ESPL1: variants seen among roughly 807,000 people sequenced by gnomAD.
ESPL1 encodes the protein separin.
A neutral mutation model predicts 217.2 loss-of-function variants in ESPL1; 50 were observed. The observed-to-expected ratio is 0.23, with a 90% CI of 0.18 to 0.29. ESPL1 has a LOEUF of 0.29. Ranked by LOEUF, ESPL1 falls within the 10% of genes least tolerant of loss-of-function variation. The probability of loss-of-function intolerance (pLI) is 1.00; values close to 1 mark genes in which losing one functional copy is unlikely to be tolerated. For missense variants in ESPL1, 1,834 were observed against 2,603.0 expected (o/e 0.70, Z 6.43); for synonymous variants, 994 against 1,081.3 (o/e 0.92, Z 1.58).
intron 3 of ESPL1, 61 bp from the exon 4 acceptor site, chr12:53,270,317 C>G (rs999742861): frequency 7.9e-7 from 1 of 1,263,770 alleles, no homozygotes; most frequent in African/African-American, 1.5e-5. Context: ...CCGGGTCAGT[C>G]TTCAGCTTGG....
rs1943796659 is a variant in ESPL1, at chr12:53,277,762, G to A, written c.2225-59G>A. On this transcript the variant is annotated intron_variant, in intron 10 of 30. Transcript: ENST00000257934. ...AGGGCAGAGGATGTTATGGAGGAAGGGAAGTTCTCTCCAGATGGCCCATGC... is the reference window on the plus strand; with the variant it reads ...AGGGCAGAGGATGTTATGGAGGAAGAGAAGTTCTCTCCAGATGGCCCATGC... The A allele has an allele frequency of 5.0e-6, 8 of 1,596,208 alleles. No individual in the cohort carries two copies. The South Asian group carries it at 7.9e-5, about 16-fold the overall frequency.
chr12:53,292,269 C>T lies in ESPL1; in HGVS notation c.5797-9C>T, dbSNP rs1409886689. 6.3e-7 allele frequency: 1 copy of T among 1,599,092 alleles called. No homozygotes were observed. The highest frequency in any genetic ancestry group is 1.3e-5 in the African/African-American group (1 of 74,604). On this transcript the variant is annotated splice_polypyrimidine_tract_variant and intron_variant, in intron 27 of 30. Transcript: ENST00000257934. The surrounding 1 kb of genome is among the most constrained non-coding windows in gnomAD (Gnocchi z 4.5). ...ACAAGCATCCTAATCGCCAGTGTCT[C>T]CTCCTCAGTATGGGGCCTCGCCAGT...
At chr12:53,290,729 T>C in intron 24 of ESPL1, 112 bp from the exon 25 acceptor site, 1 of 985,990 alleles carries the variant, frequency 1.0e-6, no homozygotes, top group East Asian at 2.6e-5. Flanking sequence ...GAAAGATACG[T>C]AAGACAGACA....
chr12:53,283,535 G>T lies in ESPL1; in HGVS notation c.3074G>T (p.Arg1025Leu), dbSNP rs541962327. The change falls in exon 16 of 31, where the codon CGC becomes CTC. Residue 1025 changes from arginine (R) to leucine (L), a missense_variant. Arg to Leu is a moderately radical substitution (Grantham distance 102). Around this residue, in one of 5 missense-constraint regions of ESPL1, gnomAD observed 107 missense variants for 171.7 expected, o/e 0.62. Coordinates refer to ENST00000257934, the MANE Select transcript of ESPL1 (RefSeq NM_012291.5). ...LKLTTKLQIP[R>L]QCALFLVLKG... The stretch of plus-strand genomic sequence containing the variant: ...CTTACAACAAAGCTGCAGATACCAC[G>T]CCAGTAAGTACAGGGCCAGAGGATA... The T allele has an allele frequency of 1.2e-6, 2 of 1,613,916 alleles. No homozygotes were observed. The highest frequency in any genetic ancestry group is 2.7e-5 in the African/African-American group (2 of 75,032).
At chr12:53,280,852 G>A (rs1943848549) in intron 12 of ESPL1, among the ~76,000 whole-genome samples, 2 of 151,762 alleles carry the variant, frequency 1.3e-5, no homozygotes, top group Non-Finnish European at 2.9e-5. Flanking sequence ...AATTAGCCAG[G>A]TATGGTGGCG....
chr12:53,268,519 GC>G, intron 1 of ESPL1, 142 bp downstream of exon 1: 1 of 507,990 alleles, frequency 2.0e-6, no homozygotes, highest in Non-Finnish European at 3.5e-6. Flanking sequence ...GAAGGGCTGG[GC>G]CGAGGCCTCT....
chr12:53,272,987 A>T, intron 6 of ESPL1, 130 bp downstream of exon 6: 1 of 816,744 alleles, frequency 1.2e-6, no homozygotes, highest in Non-Finnish European at 1.9e-6. Flanking sequence ...CAGTATCTGG[A>T]GCAGTGTTTC....
intron 5 of ESPL1, among the ~76,000 whole-genome samples, chr12:53,271,302 G>A (rs940719452): frequency 6.7e-6 from 1 of 148,520 alleles, no homozygotes; most frequent in African/African-American, 2.5e-5. Context: ...GCCCCGCAAC[G>A]AGCTCACCTT....
intron 3 of ESPL1, 111 bp from the exon 4 acceptor site, chr12:53,270,267 C>A: frequency 1.0e-6 from 1 of 972,506 alleles, no homozygotes; most frequent in Non-Finnish European, 1.6e-6. Flanking sequence ...TCTGGATGTC[C>A]TTCCTCGTGC....
At chr12:53,277,343 T>G in intron 9 of ESPL1, 116 bp downstream of exon 9, 1 of 1,475,490 alleles carries the variant, frequency 6.8e-7, no homozygotes, top group African/African-American at 1.4e-5. Context: ...AGATGGGGTC[T>G]CTCTGTTGCC....
rs1303885466 is a variant in ESPL1 at position 53,286,696 on chromosome 12, C to T, written c.3960C>T (p.Arg1320=). The change falls in exon 18 of 31, where the codon CGC becomes CGT. Residue 1320 remains arginine, a synonymous_variant. Transcript: ENST00000257934. This position sits in a 1 kb window ranked among gnomAD's most constrained non-coding sequence, Gnocchi z 5.3. The stretch of plus-strand genomic sequence containing the variant: ...GCCAAAAACGTTCTGGACGAGGGCG[C>T]CAAAAGTTAGCCTCTGCTCCCCTGC... ...TQGQKRSGRG[R]QKLASAPLRL... 1 of 1,614,126 alleles carries T rather than the reference C, an allele frequency of 6.2e-7. No individual in the cohort carries two copies. The highest frequency in any genetic ancestry group is 2.2e-5 in the East Asian group (1 of 44,892).
In ESPL1 at chr12:53,281,527, A is replaced by C. The variant is rs137974152; in HGVS notation, c.2520A>C (p.Ala840=). Residue 840 remains alanine, a synonymous_variant, in exon 13 of 31, where the codon GCA becomes GCC. Transcript: ENST00000257934. ...SYAQLHLEEA[A]SSLKHLDQTT... ...CTTAGTTACACCTGGAAGAGGCAGC[A>C]TCGAGCCTGAAGCATCTCGATCAGA... 161 of 1,613,926 alleles carry C rather than the reference A, an allele frequency of 1.0e-4. No homozygotes were observed. In the East Asian group the frequency reaches 1.4e-3, roughly 14 times the overall value.
Position 53,270,073 on chromosome 12 carries a change from G to A in ESPL1, c.1131G>A (p.Leu377=), listed in dbSNP as rs749450366. 2 of 1,607,820 alleles carry A rather than the reference G, an allele frequency of 1.2e-6. No individual in the cohort carries two copies. Among genetic ancestry groups the A allele is most frequent in the Non-Finnish European group, 1.7e-6 (2 of 1,176,882 alleles). Residue 377 remains leucine, a synonymous_variant, in exon 3 of 31, where the codon CTG becomes CTA. Coordinates refer to ENST00000257934, the MANE Select transcript of ESPL1 (RefSeq NM_012291.5). Reference sequence around the variant, plus strand: ...GGTACTGCTCTCTTCTGCAGCAGCTGCGGGATGATGGTGTGAGTTAAGGAC... The same window carrying A: ...GGTACTGCTCTCTTCTGCAGCAGCTACGGGATGATGGTGTGAGTTAAGGAC... ...LGGYCSLLQQ[L]RDDGVYGGSS...
chr12:53,286,615 C>T lies in ESPL1; in HGVS notation c.3879C>T (p.Gly1293=). 6.2e-7 allele frequency: 1 copy of T among 1,614,162 alleles called. No individual in the cohort carries two copies. Among genetic ancestry groups the T allele is most frequent in the Non-Finnish European group, 8.5e-7 (1 of 1,180,038 alleles). ...CCCAACTTTTTGCAAGCTCCTGGGG[C>T]TGGCAGCCACCATTAATAAAAAGTG... ...CTTQLFASSW[G]WQPPLIKSVP... The change falls in exon 18 of 31, where the codon GGC becomes GGT. Residue 1293 remains glycine, a synonymous_variant. Coordinates refer to ENST00000257934, the MANE Select transcript of ESPL1 (RefSeq NM_012291.5). This position sits in a 1 kb window ranked among gnomAD's most constrained non-coding sequence, Gnocchi z 5.3.
intron 10 of ESPL1, 47 bp downstream of exon 10, chr12:53,277,655 A>C: frequency 6.2e-7 from 1 of 1,604,838 alleles, no homozygotes; most frequent in South Asian, 1.1e-5. Context: ...TGGCTTCCTA[A>C]GAGTGGAACA....
At chr12:53,281,956 A>G (rs1180058664) in intron 13 of ESPL1, among the ~76,000 whole-genome samples, 1 of 152,172 alleles carries the variant, frequency 6.6e-6, no homozygotes, top group East Asian at 1.9e-4. Context: ...CTCCCAAACT[A>G]GTTGTGTGAC....
chr12:53,291,932 C>T lies in ESPL1; in HGVS notation c.5692-52C>T, dbSNP rs550164033. On this transcript the variant is annotated intron_variant, in intron 26 of 30. Transcript: ENST00000257934. ...CAACTCATCCCCATGCCCCTTCTGA[C>T]TTCTGCATATACCTGGCTGGGGACA... is the stretch of plus-strand genomic sequence containing the variant. 4.5e-4 allele frequency: 727 copies of T among 1,604,904 alleles called. 9 individuals carry two copies. The South Asian group carries it at 7.5e-3, about 17-fold the overall frequency.
chr12:53,273,530 A>G lies in ESPL1; in HGVS notation c.1506+673A>G, dbSNP rs553852156. 1.3e-3 allele frequency among the ~76,000 whole-genome samples: 199 copies of G among 150,588 alleles called. 1 individual carries two copies. Among genetic ancestry groups the G allele is most frequent in the African/African-American group, 4.6e-3 (191 of 41,198 alleles). On this transcript the variant is annotated intron_variant, in intron 6 of 30. Coordinates refer to ENST00000257934, the MANE Select transcript of ESPL1 (RefSeq NM_012291.5). Reference sequence around the variant, plus strand: ...TTCCAGCACTTTGGGAGGCTGAGGCAGGTGGATCACCTGAGGTCTGGAGTT... The same window carrying G: ...TTCCAGCACTTTGGGAGGCTGAGGCGGGTGGATCACCTGAGGTCTGGAGTT...
Position 53,286,541 on chromosome 12 carries a change from C to T in ESPL1, c.3805C>T (p.Leu1269Phe), listed in dbSNP as rs1565761577. 1.2e-6 allele frequency: 2 copies of T among 1,614,196 alleles called. No homozygotes were observed. The highest frequency in any genetic ancestry group is 2.2e-5 in the East Asian group (1 of 44,888). The change falls in exon 18 of 31, where the codon CTC (leucine) becomes TTC (phenylalanine). Residue 1269 changes from leucine to phenylalanine, a missense_variant. Coordinates refer to ENST00000257934, the MANE Select transcript of ESPL1 (RefSeq NM_012291.5). The surrounding 1 kb of genome is among the most constrained non-coding windows in gnomAD (Gnocchi z 5.3). ...CCTAGAGCCCTGGCGAGCCAGCCTGCTCTTGATTTGGGCCCTCACAAAACT... is the reference window on the plus strand; with the variant it reads ...CCTAGAGCCCTGGCGAGCCAGCCTGTTCTTGATTTGGGCCCTCACAAAACT... ...PHLEPWRASL[L>F]LIWALTKLGG...
Sources: gnomAD v4.1 joint callset for allele counts (sites outside exome capture counted in the v4.1 genomes callset) on GRCh38, gnomAD v4.1.1 for gene constraint, gnomAD v4.1.1 regional missense constraint, Gnocchi (gnomAD v3.1) non-coding constraint, MANE v1.5 for transcripts, NCBI Gene and HGNC (gene_info 2026-07-23, HGNC 2026-07-21) for gene names.